ENTPD1: variants seen among roughly 807,000 people sequenced by gnomAD.
ENTPD1 encodes the protein ectonucleoside triphosphate diphosphohydrolase 1.
In ENTPD1, 33 loss-of-function variants were observed where a neutral mutation model predicts 57.0. That is an observed-to-expected ratio of 0.58 (90% CI 0.44 to 0.77). ENTPD1 has a LOEUF of 0.77. Among genes scored for constraint, ENTPD1 ranks in the 30% least tolerant of loss-of-function variants. The pLI, the probability that ENTPD1 is intolerant of heterozygous loss-of-function variation, is 0.00. For synonymous variants in ENTPD1, 202 were observed against 218.8 expected (o/e 0.92, Z 0.68); for missense variants, 501 against 603.4 (o/e 0.83, Z 1.78).
chr10:95,724,161 C>CAA lies in ENTPD1; in HGVS notation c.37+12192_37+12193dup, dbSNP rs35316347. On this transcript the variant is annotated intron_variant, in intron 1 of 9. Transcript: ENST00000453258. ...TGGGTGACAGAGCAAGACTCTGTCT[C>CAA]AAAAAAAAAAAAAAAAAAAAAAAAA... is the stretch of plus-strand genomic sequence containing the variant. Among the ~76,000 whole-genome samples the CAA allele has an allele frequency of 5.8e-3, 289 of 50,110 alleles. 4 individuals are homozygous for CAA. Among genetic ancestry groups the CAA allele is most frequent in the East Asian group, 9.2e-3 (10 of 1,082 alleles). The allele number at this position is 50,110 out of a possible 152,430, so 32.9% of individuals were successfully genotyped here.
chr10:95,733,118 GAC>G (rs1774324885), intron 1 of ENTPD1, among the ~76,000 whole-genome samples: 1 of 152,156 alleles, frequency 6.6e-6, no homozygotes, highest in African/African-American at 2.4e-5. Context: ...AACCATAAAA[GAC>G]AGACATTCCC....
intron 1 of ENTPD1, among the ~76,000 whole-genome samples, chr10:95,772,050 C>CAAT (rs1227476432): frequency 6.6e-6 from 1 of 152,104 alleles, no homozygotes; most frequent in Non-Finnish European, 1.5e-5. Flanking sequence ...ATTAAGTGTA[C>CAAT]AATAGCATTA....
chr10:95,715,391 C>T (rs1366533862), intron 1 of ENTPD1, among the ~76,000 whole-genome samples: 1 of 152,138 alleles, frequency 6.6e-6, no homozygotes, highest in Non-Finnish European at 1.5e-5. Context: ...CCAGCTCTTT[C>T]ATAGCAGCTA....
intron 1 of ENTPD1, among the ~76,000 whole-genome samples, chr10:95,744,793 T>C (rs2098004305): frequency 6.6e-6 from 1 of 152,200 alleles, no homozygotes; most frequent in African/African-American, 2.4e-5. Flanking sequence ...TAAGGTTCAT[T>C]CTTTGTGATT....
rs2098481447 is a variant in ENTPD1, at chr10:95,872,372, C to CCCACA, written c.*5990_*5991insCACAC. On this transcript the variant is annotated 3_prime_UTR_variant, in exon 10 of 10. Transcript: ENST00000371205. The stretch of plus-strand genomic sequence containing the variant: ...ATCCCACTCCACTCCTCTGATGTTT[C>CCCACA]CTACACTACACTACACTATACTACA... The CCCACA allele has an allele frequency of 1.0e-6, 1 of 985,312 alleles. No individual in the cohort carries two copies. Among genetic ancestry groups the CCCACA allele is most frequent in the Admixed American group, 6.1e-5 (1 of 16,262 alleles). The allele number at this position is 985,312 out of a possible 1,614,324, so 61.0% of individuals were successfully genotyped here.
Position 95,792,766 on chromosome 10 carries a change from C to A in ENTPD1, c.17-30471C>A, listed in dbSNP as rs560320728. On this transcript the variant is annotated intron_variant, in intron 1 of 9. Transcript: ENST00000371205. Reference sequence around the variant, plus strand: ...GCAGGGGTTTAGTCCAAAACAGTGGCCTCCTATAATTTTTGTTGAACACCC... The same window carrying A: ...GCAGGGGTTTAGTCCAAAACAGTGGACTCCTATAATTTTTGTTGAACACCC... 4.6e-5 allele frequency among the ~76,000 whole-genome samples: 7 copies of A among 152,258 alleles called. No homozygotes were observed. The South Asian group carries it at 1.5e-3, about 32-fold the overall frequency.
intron 1 of ENTPD1, among the ~76,000 whole-genome samples, chr10:95,817,909 TA>T (rs1448101518): frequency 6.6e-6 from 1 of 152,216 alleles, no homozygotes; most frequent in Non-Finnish European, 1.5e-5. Context: ...GTCTAGTTCA[TA>T]GTAATAATGT....
intron 1 of ENTPD1, among the ~76,000 whole-genome samples, chr10:95,776,838 A>C (rs548891135): frequency 6.7e-4 from 101 of 151,096 alleles, no homozygotes; most frequent in Admixed American, 1.9e-3. Flanking sequence ...ATTTCTTTTT[A>C]CTCTTTTTTC....
chr10:95,876,105 T>C lies in ENTPD1; in HGVS notation c.*9722T>C. The C allele has an allele frequency of 1.0e-6, 1 of 985,418 alleles. No homozygotes were observed. Among genetic ancestry groups the C allele is most frequent in the Non-Finnish European group, 1.2e-6 (1 of 829,900 alleles). 61.0% of individuals were successfully genotyped at this position (985,418 alleles called of 1,614,324 possible). On this transcript the variant is annotated 3_prime_UTR_variant, in exon 10 of 10. Coordinates refer to ENST00000371205, the MANE Select transcript of ENTPD1 (RefSeq NM_001776.6). ...AAACCTGAAATGCAGTCTATTATCA[T>C]ACATAACTAAAAATAGAGCCTCAAT...
chr10:95,724,253 G>A (rs2097981261), intron 1 of ENTPD1, among the ~76,000 whole-genome samples: 1 of 151,318 alleles, frequency 6.6e-6, no homozygotes. Flanking sequence ...TTTTTAACTG[G>A]CCAACAGGTG....
chr10:95,801,585 A>C (rs1455279571), intron 1 of ENTPD1, among the ~76,000 whole-genome samples: 1 of 150,694 alleles, frequency 6.6e-6, no homozygotes, highest in African/African-American at 2.4e-5. Context: ...TTTATTTTTG[A>C]GGCAGAGATT....
chr10:95,786,127 C>T (rs1320818012), intron 1 of ENTPD1, among the ~76,000 whole-genome samples: 2 of 152,262 alleles, frequency 1.3e-5, no homozygotes, highest in Non-Finnish European at 1.5e-5. Context: ...TCCCACCCTG[C>T]TACCCAGTGC....
intron 7 of ENTPD1, among the ~76,000 whole-genome samples, chr10:95,851,903 T>G (rs1329175301): frequency 2.0e-5 from 3 of 152,162 alleles, no homozygotes; most frequent in African/African-American, 7.2e-5. Flanking sequence ...TGTGCATGTG[T>G]CTTTATAGCA....
Position 95,845,430 on chromosome 10 carries a change from G to A in ENTPD1, c.647G>A (p.Gly216Glu). 6.2e-7 allele frequency: 1 copy of A among 1,614,140 alleles called. No homozygotes were observed. The highest frequency in any genetic ancestry group is 1.3e-5 in the African/African-American group (1 of 75,016). The change falls in exon 6 of 10, where the codon GGA (glycine) becomes GAA (glutamate). Residue 216 changes from glycine to glutamate, a missense_variant. Coordinates refer to ENST00000371205, the MANE Select transcript of ENTPD1 (RefSeq NM_001776.6). ...QETFGALDLG[G>E]ASTQVTFVPQ... ...ACCTTTGGAGCTTTGGACCTTGGGG[G>A]AGCCTCTACACAAGTCACTTTTGTA... is the stretch of plus-strand genomic sequence containing the variant.
At chr10:95,728,957 A>G (rs1033247349) in intron 1 of ENTPD1, among the ~76,000 whole-genome samples, 5 of 152,204 alleles carry the variant, frequency 3.3e-5, no homozygotes, top group Admixed American at 3.3e-4. Flanking sequence ...GTTAGTAAAC[A>G]ATAAAATAGA....
chr10:95,796,660 A>G (rs574320675), intron 1 of ENTPD1, among the ~76,000 whole-genome samples: 2 of 152,308 alleles, frequency 1.3e-5, no homozygotes, highest in Admixed American at 6.5e-5. Context: ...TTAGGGCCAC[A>G]TACTGAGGTT....
rs185597258 is a variant in ENTPD1, at chr10:95,825,752, G to A, written c.144+2388G>A. On this transcript the variant is annotated intron_variant, in intron 2 of 9. Transcript: ENST00000371205. ...GCCATCACGCCCGGCTAATTTTTTT[G>A]TATTTTTAGTAGAGACGGGGTTTCA... Among the ~76,000 whole-genome samples the A allele has an allele frequency of 2.4e-3, 366 of 152,134 alleles. 1 individual carries two copies. Among genetic ancestry groups the A allele is most frequent in the Non-Finnish European group, 3.8e-3 (259 of 67,976 alleles).
chr10:95,871,103 G>T lies in ENTPD1; in HGVS notation c.*4720G>T. 1.0e-6 allele frequency: 1 copy of T among 985,414 alleles called. No individual in the cohort carries two copies. The highest frequency in any genetic ancestry group is 1.2e-6 in the Non-Finnish European group (1 of 829,936). 61.0% of individuals were successfully genotyped at this position (985,414 alleles called of 1,614,324 possible). A position where few individuals can be genotyped will look rare whatever the true frequency, so the allele number is the denominator to read the frequency against. On this transcript the variant is annotated 3_prime_UTR_variant, in exon 10 of 10. Coordinates refer to ENST00000371205, the MANE Select transcript of ENTPD1 (RefSeq NM_001776.6). ...TCACTTCTGTCACAGGCTATTGTAA[G>T]TCATATGAGCAAGCTCAATAAAATA...
At position 95,875,141 on chromosome 10, in the gene ENTPD1, A is replaced by T. The variant is rs1026904021; in HGVS notation, c.*8758A>T. 2.0e-5 allele frequency: 3 copies of T among 152,038 alleles called. No individual in the cohort carries two copies. Among genetic ancestry groups the T allele is most frequent in the African/African-American group, 7.2e-5 (3 of 41,466 alleles). 9.4% of individuals were successfully genotyped at this position (152,038 alleles called of 1,614,324 possible). A position where few individuals can be genotyped will look rare whatever the true frequency, so the allele number is the denominator to read the frequency against. On this transcript the variant is annotated 3_prime_UTR_variant, in exon 10 of 10. Coordinates refer to ENST00000371205, the MANE Select transcript of ENTPD1 (RefSeq NM_001776.6). ...CTGCAGCCAGCTTGAATTTCTCCTTAAAAAAAATGGGTTTTTCTTTTCTAC... is the reference window on the plus strand; with the variant it reads ...CTGCAGCCAGCTTGAATTTCTCCTTTAAAAAAATGGGTTTTTCTTTTCTAC...
Sources: gnomAD v4.1 joint callset for allele counts (sites outside exome capture counted in the v4.1 genomes callset) on GRCh38, gnomAD v4.1.1 for gene constraint, MANE v1.5 for transcripts, NCBI Gene and HGNC (gene_info 2026-07-23, HGNC 2026-07-21) for gene names.